Variants in MYRFL observed in about 807,000 individuals in gnomAD.
The protein encoded by MYRFL is myelin regulatory factor-like protein.
MYRFL carries 88 observed loss-of-function variants against 109.4 expected under a neutral mutation model. The observed-to-expected ratio is 0.80, with a 90% CI of 0.68 to 0.96. The LOEUF is 0.96. MYRFL is among the 40% of genes least tolerant of loss of function. MYRFL has a pLI of 0.00. For missense variants in MYRFL, 957 were observed against 954.9 expected, an observed-to-expected ratio of 1.00 and a Z score of -0.03; for synonymous variants, 324 against 320.9, an observed-to-expected ratio of 1.01 and a Z score of -0.10.
At chr12:69,952,937 G>A in intron 21 of MYRFL, 51 bp downstream of exon 21, 1 of 1,332,452 alleles carries the variant, frequency 7.5e-7, no homozygotes, top group Non-Finnish European at 1.0e-6. Context: ...TTTACCCATG[G>A]CTCTGGGTTT....
chr12:69,945,402 A>C (rs1955801150), intron 19 of MYRFL, among the ~76,000 whole-genome samples: 1 of 152,160 alleles, frequency 6.6e-6, no homozygotes, highest in Non-Finnish European at 1.5e-5. Context: ...TACATTTAGA[A>C]ATATTTAGAT....
At chr12:69,925,325 T>C (rs1955042450) in intron 13 of MYRFL, among the ~76,000 whole-genome samples, 1 of 152,232 alleles carries the variant, frequency 6.6e-6, no homozygotes, top group Admixed American at 6.5e-5. Context: ...CATCTGTCTT[T>C]GAACTGCGTA....
intron 19 of MYRFL, among the ~76,000 whole-genome samples, chr12:69,938,332 C>T (rs1159099471): frequency 6.6e-6 from 1 of 152,192 alleles, no homozygotes; most frequent in East Asian, 1.9e-4. Flanking sequence ...AAGAGACCAT[C>T]TCACCTATGA....
intron 2 of MYRFL, among the ~76,000 whole-genome samples, chr12:69,866,089 G>C (rs571579036): frequency 1.3e-5 from 2 of 152,190 alleles, no homozygotes; most frequent in African/African-American, 4.8e-5. Flanking sequence ...CCTGGCTCTA[G>C]AAACATGCCT....
chr12:69,846,044 A>G (rs1288578810), intron 1 of MYRFL, among the ~76,000 whole-genome samples: 3 of 151,306 alleles, frequency 2.0e-5, no homozygotes, highest in South Asian at 4.2e-4. Flanking sequence ...TTCAGCACAA[A>G]TAAACTCCTT....
chr12:69,937,854 G>GTCA, intron 19 of MYRFL, among the ~76,000 whole-genome samples: 1 of 152,244 alleles, frequency 6.6e-6, no homozygotes, highest in East Asian at 1.9e-4. Context: ...TTTACAAATT[G>GTCA]TCATCATCAT....
At chr12:69,926,932 G>GT (rs1336716063) in intron 14 of MYRFL, among the ~76,000 whole-genome samples, 198 bp downstream of exon 14, 1,185 of 76,824 alleles carry the variant, frequency 0.015, 387 homozygotes, top group Middle Eastern at 0.048. Context: ...TTCTGTTGCT[G>GT]GTTTTTTTTT....
At chr12:69,915,184 G>A (rs1257465218) in intron 13 of MYRFL, among the ~76,000 whole-genome samples, 1 of 152,098 alleles carries the variant, frequency 6.6e-6, no homozygotes, top group Non-Finnish European at 1.5e-5. Flanking sequence ...CGAGCCTCTT[G>A]CTTTCCTGGA....
At chr12:69,916,780 C>T (rs984267348) in intron 13 of MYRFL, among the ~76,000 whole-genome samples, 1 of 151,164 alleles carries the variant, frequency 6.6e-6, no homozygotes, top group African/African-American at 2.4e-5. Context: ...TTCAGTGCAG[C>T]CAGACTAAAT....
intron 16 of MYRFL, chr12:69,935,887 A>G (rs1332841068): frequency 2.0e-5 from 11 of 540,490 alleles, no homozygotes; most frequent in Non-Finnish European, 3.5e-5. Context: ...ATCCATCAGC[A>G]TGGAATACCT....
chr12:69,826,703 A>G (rs1266687873), intron 1 of MYRFL, among the ~76,000 whole-genome samples: 3 of 152,078 alleles, frequency 2.0e-5, no homozygotes, highest in African/African-American at 4.8e-5. Context: ...TTATAAAAGT[A>G]TTTGTCTTCA....
At chr12:69,946,877 T>C (rs1020808539) in intron 19 of MYRFL, 5 of 152,260 alleles carry the variant, frequency 3.3e-5, no homozygotes, top group African/African-American at 1.2e-4. Context: ...CCTCCATTGA[T>C]TTGGACATGG....
At position 69,958,299 on chromosome 12, in the gene MYRFL, G is replaced by A. The variant is rs765090192; in HGVS notation, c.2622G>A (p.Met874Ile). The A allele has an allele frequency of 6.0e-5, 92 of 1,536,268 alleles. No homozygotes were observed. The highest frequency in any genetic ancestry group is 7.8e-5 in the Non-Finnish European group (89 of 1,146,970). The change falls in exon 24 of 25, where the codon ATG (methionine) becomes ATA (isoleucine). Residue 874 changes from methionine to isoleucine, a missense_variant. By Grantham distance (10) the Met-to-Ile change is conservative. Transcript: ENST00000552032. ...CTGTAGCCCCATTTTCTGACAGCAT[G>A]TTCCATTTCCGTGTAGCTGCACCGG... ...SLPVAPFSDS[M>I]FHFRVAAPDL...
intron 1 of MYRFL, among the ~76,000 whole-genome samples, chr12:69,850,666 G>A (rs1883826135): frequency 6.6e-6 from 1 of 152,008 alleles, no homozygotes; most frequent in South Asian, 2.1e-4. Context: ...TCCAATTTTT[G>A]TTGATTATAT....
In MYRFL at chr12:69,936,107, T is replaced by TTTAAATG; in HGVS notation, c.1917-6_1917-5insTTAAATG. 1.4e-6 allele frequency: 1 copy of TTTAAATG among 739,076 alleles called. No homozygotes were observed. The highest frequency in any genetic ancestry group is 2.0e-6 in the Non-Finnish European group (1 of 508,882). 45.8% of individuals were successfully genotyped at this position (739,076 alleles called of 1,614,324 possible). A position where few individuals can be genotyped will look rare whatever the true frequency, so the allele number is the denominator to read the frequency against. On this transcript the variant is annotated splice_region_variant and splice_polypyrimidine_tract_variant and intron_variant, in intron 16 of 24. Transcript: ENST00000552032. ...TTTTTTTTTTTTTTTTTTTTTTTTT[T>TTTAAATG]GACAGTGCTTTGACGATAGTTGCCC... is the stretch of plus-strand genomic sequence containing the variant.
At position 69,903,811 on chromosome 12, in the gene MYRFL, C is replaced by T. The variant is rs1954267653; in HGVS notation, c.1350C>T (p.Pro450=). The change falls in exon 11 of 25, where the codon CCC becomes CCT. Residue 450 remains proline (P), a synonymous_variant. Transcript: ENST00000552032. ...AAGTGATGGGGACCATCATGCATCC[C>T]TCTGACAGCCGGGCAAAGCAGAATA... The part of the protein sequence containing the change: ...NMKVMGTIMH[P]SDSRAKQNIQ... The T allele has an allele frequency of 1.3e-6, 2 of 1,534,482 alleles. No individual in the cohort carries two copies. The highest frequency in any genetic ancestry group is 1.7e-6 in the Non-Finnish European group (2 of 1,145,772).
At chr12:69,918,898 C>A (rs1261812078) in intron 13 of MYRFL, among the ~76,000 whole-genome samples, 1 of 152,176 alleles carries the variant, frequency 6.6e-6, no homozygotes. Context: ...ATAGTAACAG[C>A]TTAAGAGACT....
At chr12:69,888,993 T>A (rs1409350426) in intron 6 of MYRFL, among the ~76,000 whole-genome samples, 1 of 152,198 alleles carries the variant, frequency 6.6e-6, no homozygotes, top group Admixed American at 6.5e-5. Flanking sequence ...GGGTAGTCAA[T>A]GACTCAGTAA....
intron 2 of MYRFL, among the ~76,000 whole-genome samples, chr12:69,876,719 T>C (rs1885685993): frequency 6.6e-6 from 1 of 152,218 alleles, no homozygotes; most frequent in South Asian, 2.1e-4. Context: ...TCGAGTACAT[T>C]CCATTTTTCT....
Sources: allele counts gnomAD v4.1 joint callset (sites outside exome capture counted in the v4.1 genomes callset), GRCh38; gene constraint gnomAD v4.1.1; transcripts MANE v1.5; gene names NCBI Gene and HGNC (gene_info 2026-07-23, HGNC 2026-07-21).